Variants in ARID2 observed in about 807,000 individuals in gnomAD.
ARID2 encodes the protein AT-rich interaction domain 2, also known as AT-rich interactive domain-containing protein 2.
ARID2 carries 32 observed loss-of-function variants against 184.6 expected under a neutral mutation model. That is an observed-to-expected ratio of 0.17 (90% CI 0.13 to 0.23). The LOEUF (loss-of-function observed/expected upper bound fraction) is 0.23, where lower values mean the gene tolerates loss of function less well. ARID2 is among the 10% of genes least tolerant of loss of function. The pLI, the probability that ARID2 is intolerant of heterozygous loss-of-function variation, is 1.00. For missense variants in ARID2, 1,696 were observed against 2,197.6 expected (o/e 0.77, Z 4.56); for synonymous variants, 836 against 772.6 (o/e 1.08, Z -1.36).
intron 3 of ARID2, among the ~76,000 whole-genome samples, chr12:45,742,362 A>G (rs865879236): frequency 2.6e-5 from 4 of 152,188 alleles, no homozygotes; most frequent in Non-Finnish European, 5.9e-5. Context: ...CTGTATAGGT[A>G]TGTAGCTTAG....
chr12:45,779,895 T>A (rs1313010147), intron 3 of ARID2, among the ~76,000 whole-genome samples: 1 of 152,178 alleles, frequency 6.6e-6, no homozygotes, highest in East Asian at 1.9e-4. Context: ...AGCGCTGCTT[T>A]GAAATTAGAC....
At position 45,850,320 on chromosome 12, in the gene ARID2, G is replaced by T. The variant is rs752498266; in HGVS notation, c.2197G>T (p.Ala733Ser). ...CCAGACAGGAGTTCCTGTTAGTATT[G>T]CTGTTGGAGGAGGACCTCCACAGAG... Reference protein sequence around the residue: ...IPQTGVPVSIAVGGGPPQSSV... With the variant: ...IPQTGVPVSISVGGGPPQSSV... The change falls in exon 15 of 21, where the codon GCT becomes TCT. Residue 733 changes from alanine (A) to serine (S), a missense_variant. Coordinates refer to ENST00000334344, the MANE Select transcript of ARID2 (RefSeq NM_152641.4). 13 of 1,614,096 alleles carry T rather than the reference G, an allele frequency of 8.1e-6. No individual in the cohort carries two copies. Among genetic ancestry groups the T allele is most frequent in the South Asian group, 2.2e-5 (2 of 91,082 alleles).
At chr12:45,788,511 T>TA (rs563627573) in intron 3 of ARID2, among the ~76,000 whole-genome samples, 55 of 152,338 alleles carry the variant, frequency 3.6e-4, no homozygotes, top group African/African-American at 1.3e-3. Context: ...TTTAAATTCA[T>TA]ACTTATTTAC....
rs543223449 is a variant in ARID2, at chr12:45,839,111, G to A, written c.1331-218G>A. 9.2e-5 allele frequency among the ~76,000 whole-genome samples: 14 copies of A among 151,354 alleles called. No homozygotes were observed. The East Asian group carries it at 2.3e-3, about 25-fold the overall frequency. ...AATCTCCTGATCTCATGATCCGCCC[G>A]CCTCCGCCTCCCAAAGTGCTGGGAT... On this transcript the variant is annotated intron_variant, in intron 10 of 20. Coordinates refer to ENST00000334344, the MANE Select transcript of ARID2 (RefSeq NM_152641.4).
At chr12:45,814,581 C>T (rs541875879) in intron 4 of ARID2, among the ~76,000 whole-genome samples, 49 of 151,964 alleles carry the variant, frequency 3.2e-4, no homozygotes, top group African/African-American at 1.0e-3. Flanking sequence ...ACCCAGGAGG[C>T]GGAGGTTATA....
At chr12:45,757,305 A>G (rs888011754) in intron 3 of ARID2, among the ~76,000 whole-genome samples, 1 of 152,246 alleles carries the variant, frequency 6.6e-6, no homozygotes, top group Non-Finnish European at 1.5e-5. Context: ...TAATATGCTT[A>G]TAATGTATCT....
At chr12:45,872,925 G>C (rs1230864860) in intron 16 of ARID2, among the ~76,000 whole-genome samples, 1 of 152,156 alleles carries the variant, frequency 6.6e-6, no homozygotes, top group Non-Finnish European at 1.5e-5. Context: ...TATCCTTACT[G>C]ATTTTCTGCC....
At chr12:45,769,689 G>A (rs909684625) in intron 3 of ARID2, among the ~76,000 whole-genome samples, 2 of 152,166 alleles carry the variant, frequency 1.3e-5, no homozygotes, top group Admixed American at 6.5e-5. Flanking sequence ...TAATCTATAT[G>A]TCTTGGACCC....
At chr12:45,900,540 A>T (rs566316867) in intron 20 of ARID2, among the ~76,000 whole-genome samples, 3 of 152,002 alleles carry the variant, frequency 2.0e-5, no homozygotes, top group Admixed American at 1.3e-4. Context: ...TTTTTAGAAT[A>T]TTTTTTTCCT....
Position 45,852,030 on chromosome 12 carries a change from A to G in ARID2, c.3907A>G (p.Ser1303Gly), listed in dbSNP as rs2138175434. 6.2e-7 allele frequency: 1 copy of G among 1,614,158 alleles called. No homozygotes were observed. The highest frequency in any genetic ancestry group is 8.5e-7 in the Non-Finnish European group (1 of 1,180,014). Residue 1303 changes from serine to glycine, a missense_variant, in exon 15 of 21, where the codon AGT becomes GGT. By Grantham distance (56) the Ser-to-Gly change is moderately conservative. This residue lies in a region of ARID2 where 428 missense variants were observed against 409.1 expected (regional missense o/e 1.05). Coordinates refer to ENST00000334344, the MANE Select transcript of ARID2 (RefSeq NM_152641.4). ...AAATGGGAGAAAGTACAGTGACTCA[A>G]GTCTACCTCCTTCAAACTCAGGGAA... ...LLNGRKYSDS[S>G]LPPSNSGKIQ...
At chr12:45,878,777 GT>G (rs1411181894) in intron 16 of ARID2, among the ~76,000 whole-genome samples, 1 of 152,058 alleles carries the variant, frequency 6.6e-6, no homozygotes, top group African/African-American at 2.4e-5. Context: ...GTGGGCGGGG[GT>G]TGTTTGTTTT....
rs147582662 is a variant in ARID2 at position 45,811,481 on chromosome 12, C to A, written c.348C>A (p.Gly116=). The A allele has an allele frequency of 2.3e-5, 37 of 1,613,838 alleles. No individual in the cohort carries two copies. In the African/African-American group the frequency reaches 4.1e-4, roughly 18 times the overall value. The change falls in exon 4 of 21, where the codon GGC becomes GGA. Residue 116 remains glycine (G), a synonymous_variant. Coordinates refer to ENST00000334344, the MANE Select transcript of ARID2 (RefSeq NM_152641.4). ...AGGATGATGATGAGGTACCACCAGG[C>A]AATCCAAAGCCACAGCTTCCTATTG... The part of the protein sequence containing the change: ...FGEDDDEVPP[G]NPKPQLPIGA...
intron 4 of ARID2, among the ~76,000 whole-genome samples, chr12:45,812,951 C>T (rs1942737803): frequency 6.6e-6 from 1 of 152,042 alleles, no homozygotes; most frequent in Non-Finnish European, 1.5e-5. Flanking sequence ...GATTTTTTTC[C>T]TGAATCTGTT....
rs192351597 is a variant in ARID2, at chr12:45,805,156, G to A, written c.285-6262G>A. Among the ~76,000 whole-genome samples the A allele has an allele frequency of 3.3e-3, 509 of 151,954 alleles. 5 individuals carry two copies. The highest frequency in any genetic ancestry group is 3.6e-3 in the Non-Finnish European group (243 of 67,880). ...CTCAGAGTGGATTTGCTGCATGATA[G>A]GATAGTCTTTATTTTCTCCTTTTTT... is the stretch of plus-strand genomic sequence containing the variant. On this transcript the variant is annotated intron_variant, in intron 3 of 20. Coordinates refer to ENST00000334344, the MANE Select transcript of ARID2 (RefSeq NM_152641.4).
chr12:45,874,213 G>A (rs1484427899), intron 16 of ARID2: 1 of 152,646 alleles, frequency 6.6e-6, no homozygotes, highest in African/African-American at 2.4e-5. Flanking sequence ...AAGGAAGGGT[G>A]AACTAGCCCA....
intron 16 of ARID2, among the ~76,000 whole-genome samples, chr12:45,873,174 G>A (rs1303615820): frequency 6.6e-6 from 1 of 152,090 alleles, no homozygotes; most frequent in Non-Finnish European, 1.5e-5. Context: ...AGTCTGCTTT[G>A]TCTGAAATAA....
intron 16 of ARID2, among the ~76,000 whole-genome samples, chr12:45,882,634 A>G (rs959996377): frequency 2.0e-5 from 3 of 152,260 alleles, no homozygotes; most frequent in Admixed American, 6.5e-5. Flanking sequence ...ATTCATGATA[A>G]CATGCCTTAG....
chr12:45,853,961 C>T lies in ARID2; in HGVS notation c.4773+1065C>T, dbSNP rs117379645. 1.7e-3 allele frequency among the ~76,000 whole-genome samples: 259 copies of T among 152,294 alleles called. 7 individuals are homozygous for T. The East Asian group carries it at 0.043, about 25-fold the overall frequency. Reference sequence around the variant, plus strand: ...ACTGGGCCACACAGCCGGAGGTGAGCGGCAGGTGAGCGAGTGAAGCTTCAT... The same window carrying T: ...ACTGGGCCACACAGCCGGAGGTGAGTGGCAGGTGAGCGAGTGAAGCTTCAT... On this transcript the variant is annotated intron_variant, in intron 15 of 20. Transcript: ENST00000334344.
chr12:45,862,004 T>C (rs1464376687), intron 16 of ARID2, among the ~76,000 whole-genome samples: 1 of 152,240 alleles, frequency 6.6e-6, no homozygotes, highest in Non-Finnish European at 1.5e-5. Flanking sequence ...TTTTGTGATA[T>C]AGATATTATA....
Sources: allele counts gnomAD v4.1 joint callset (sites outside exome capture counted in the v4.1 genomes callset), GRCh38; gene constraint gnomAD v4.1.1; regional missense constraint gnomAD v4.1.1; transcripts MANE v1.5; gene names NCBI Gene and HGNC (gene_info 2026-07-23, HGNC 2026-07-21).